Variants in ABCA1 observed in about 807,000 individuals in gnomAD.
ABCA1 encodes ATP binding cassette subfamily A member 1.
ABCA1 carries 133 observed loss-of-function variants against 262.5 expected under a neutral mutation model. The ratio of observed to expected loss-of-function variants is 0.51; its 90% CI spans 0.44 to 0.59. ABCA1 has a LOEUF of 0.59. ABCA1 is among the 20% of genes least tolerant of loss of function. The pLI, the probability that ABCA1 is intolerant of heterozygous loss-of-function variation, is 0.00. For missense variants in ABCA1, 2,452 were observed against 2,777.5 expected (o/e 0.88, Z 2.63); for synonymous variants, 1,022 against 1,043.5 (o/e 0.98, Z 0.40).
intron 37 of ABCA1, among the ~76,000 whole-genome samples, chr9:104,797,165 G>A (rs762268016): frequency 2.6e-5 from 4 of 152,142 alleles, no homozygotes; most frequent in Non-Finnish European, 5.9e-5. Flanking sequence ...TACCCAGGAA[G>A]ACAAGAGATG....
chr9:104,831,774 G>C lies in ABCA1; in HGVS notation c.1563C>G (p.Asn521Lys). The C allele has an allele frequency of 6.2e-7, 1 of 1,614,188 alleles. No homozygotes were observed. Among genetic ancestry groups the C allele is most frequent in the Non-Finnish European group, 8.5e-7 (1 of 1,180,044 alleles). ...EPIATEVWLI[N>K]KSMELLDERK... ...TCTCATCCAGCAGCTCCATGGACTTGTTGATGAGCCAGACTTCTGTTGCTA... is the reference window on the plus strand; with the variant it reads ...TCTCATCCAGCAGCTCCATGGACTTCTTGATGAGCCAGACTTCTGTTGCTA... The change falls in exon 13 of 50, where the codon AAC becomes AAG. Residue 521 changes from asparagine to lysine, a missense_variant. By Grantham distance (94) the Asn-to-Lys change is moderately conservative (BLOSUM62 0). Transcript: ENST00000374736.
chr9:104,862,651 G>GCCCCCCACC (rs1564198183), intron 5 of ABCA1, among the ~76,000 whole-genome samples: 6 of 6,720 alleles, frequency 8.9e-4, no homozygotes, highest in East Asian at 5.1e-3. Flanking sequence ...GGCCGGGCCG[G>GCCCCCCACC]GCCGGGCCGG....
Position 104,818,734 on chromosome 9 carries a change from C to G in ABCA1, c.3391G>C (p.Val1131Leu). 6.2e-7 allele frequency: 1 copy of G among 1,613,822 alleles called. No homozygotes were observed. Among genetic ancestry groups the G allele is most frequent in the Non-Finnish European group, 8.5e-7 (1 of 1,180,028 alleles). The change falls in exon 23 of 50, where the codon GTC (valine) becomes CTC (leucine). Residue 1131 changes from valine to leucine, a missense_variant. Physicochemically the swap from Val to Leu is conservative, Grantham distance 32. Transcript: ENST00000374736. ...QLGTGYYLTL[V>L]KKDVESSLSS... ...AGGGAGGATTCCACATCTTTCTTGA[C>G]CAAGGTCAGGTAGTAGCCTGTTCCC...
chr9:104,845,634 A>G, intron 7 of ABCA1, 65 bp from the exon 8 acceptor site: 3 of 1,146,818 alleles, frequency 2.6e-6, no homozygotes, highest in Non-Finnish European at 3.9e-6. Flanking sequence ...TATTGGAAAT[A>G]AACAAGTGAA....
chr9:104,819,816 T>C, intron 21 of ABCA1, 93 bp from the exon 22 acceptor site: 3 of 1,611,100 alleles, frequency 1.9e-6, no homozygotes, highest in Non-Finnish European at 2.5e-6. Context: ...GACAAGTTTC[T>C]GTTACCAACC....
intron 5 of ABCA1, among the ~76,000 whole-genome samples, chr9:104,874,611 C>T (rs1227113273): frequency 6.6e-6 from 1 of 152,082 alleles, no homozygotes; most frequent in Non-Finnish European, 1.5e-5. Context: ...AAAAACAGAG[C>T]CGGGCGCAGT....
intron 7 of ABCA1, among the ~76,000 whole-genome samples, chr9:104,846,309 A>G (rs1834875642): frequency 6.6e-6 from 1 of 152,248 alleles, no homozygotes; most frequent in Non-Finnish European, 1.5e-5. Context: ...TCAGGCTTCC[A>G]AAGAGAAAAA....
chr9:104,819,974 A>C lies in ABCA1; in HGVS notation c.3056T>G (p.Val1019Gly). Residue 1019 changes from valine (V) to glycine (G), a missense_variant, in exon 21 of 50, where the codon GTT becomes GGT. By Grantham distance (109) the Val-to-Gly change is moderately radical. Around this residue, in one of 4 missense-constraint regions of ABCA1, gnomAD observed 665 missense variants for 727.3 expected, o/e 0.91. Coordinates refer to ENST00000374736, the MANE Select transcript of ABCA1 (RefSeq NM_005502.4). ...KAEMEQMALD[V>G]GLPSSKLKSK... ...TTTCAGCTTGCTTGATGGCAAACCAACATCCAGGGCCATCTGCTCCATCTC... is the reference window on the plus strand; with the variant it reads ...TTTCAGCTTGCTTGATGGCAAACCACCATCCAGGGCCATCTGCTCCATCTC... 1.2e-6 allele frequency: 2 copies of C among 1,614,018 alleles called. No homozygotes were observed. Among genetic ancestry groups the C allele is most frequent in the Non-Finnish European group, 1.7e-6 (2 of 1,180,008 alleles).
chr9:104,799,826 C>T lies in ABCA1; in HGVS notation c.4936G>A (p.Val1646Met), dbSNP rs2118890064. 6.2e-7 allele frequency: 1 copy of T among 1,614,192 alleles called. No homozygotes were observed. The highest frequency in any genetic ancestry group is 2.2e-5 in the East Asian group (1 of 44,886). ...LNLTKQQLSE[V>M]ALMTTSVDVL... ...AGACACAGCCACACTTACAGAGCCA[C>T]CTCTGAGAGCTGCTGCTTGGTGAGA... is the stretch of plus-strand genomic sequence containing the variant. Residue 1646 changes from valine to methionine, a missense_variant, in exon 36 of 50, where the codon GTG becomes ATG. Transcript: ENST00000374736.
intron 47 of ABCA1, among the ~76,000 whole-genome samples, chr9:104,786,656 T>C (rs564221128): frequency 1.6e-4 from 24 of 152,342 alleles, no homozygotes; most frequent in South Asian, 1.2e-3. Context: ...GACACCTAAA[T>C]GCACTGACTT....
chr9:104,788,381 C>T, intron 45 of ABCA1, 45 bp downstream of exon 45: 1 of 1,613,804 alleles, frequency 6.2e-7, no homozygotes, highest in Non-Finnish European at 8.5e-7. Flanking sequence ...TATATATTGT[C>T]AGGATGCCAA....
intron 1 of ABCA1, among the ~76,000 whole-genome samples, chr9:104,922,005 A>G (rs2487049): frequency 0.17 from 26,504 of 152,218 alleles, 2,422 homozygotes; most frequent in Admixed American, 0.22. Flanking sequence ...TGAGGAGGGA[A>G]GCATTTAAAT....
chr9:104,798,392 A>C, intron 37 of ABCA1, 29 bp downstream of exon 37: 1 of 1,612,876 alleles, frequency 6.2e-7, no homozygotes. Flanking sequence ...GACAGACATC[A>C]GAAAGATACA....
chr9:104,866,125 G>A (rs1013721831), intron 5 of ABCA1, among the ~76,000 whole-genome samples: 1 of 152,088 alleles, frequency 6.6e-6, no homozygotes, highest in Non-Finnish European at 1.5e-5. Flanking sequence ...ACAACGACCA[G>A]GACATTTTGT....
rs1298135994 is a variant in ABCA1, at chr9:104,822,549, C to G, written c.2775G>C (p.Glu925Asp). 6.2e-7 allele frequency: 1 copy of G among 1,614,048 alleles called. No individual in the cohort carries two copies. Among genetic ancestry groups the G allele is most frequent in the Non-Finnish European group, 8.5e-7 (1 of 1,180,002 alleles). The change falls in exon 19 of 50, where the codon GAG becomes GAC. Residue 925 changes from glutamate (E) to aspartate (D), a missense_variant. This residue lies in a region of ABCA1 where 665 missense variants were observed against 727.3 expected (regional missense o/e 0.91). Transcript: ENST00000374736. ...AVDGLALNFY[E>D]GQITSFLGHN... is the part of the protein sequence containing the mutation. The stretch of plus-strand genomic sequence containing the variant: ...GGCCCAGGAAGGAGGTGATCTGGCC[C>G]TCATAAAAATTCAGTGCCAGGCCAT...
intron 2 of ABCA1, among the ~76,000 whole-genome samples, chr9:104,892,426 G>C (rs2118354074): frequency 6.8e-6 from 1 of 146,438 alleles, no homozygotes; most frequent in East Asian, 2.0e-4. Context: ...GGGGGTGGGG[G>C]TGGGGAAGAA....
chr9:104,850,920 G>A (rs374224555), intron 7 of ABCA1, among the ~76,000 whole-genome samples: 2 of 152,182 alleles, frequency 1.3e-5, no homozygotes, highest in South Asian at 4.1e-4. Flanking sequence ...AAAACCTTTA[G>A]TGAGGGACTA....
chr9:104,915,091 T>C (rs1841765645), intron 1 of ABCA1, among the ~76,000 whole-genome samples: 1 of 152,196 alleles, frequency 6.6e-6, no homozygotes, highest in Non-Finnish European at 1.5e-5. Flanking sequence ...AGGGAGCCTA[T>C]AAACACCTGG....
intron 1 of ABCA1, among the ~76,000 whole-genome samples, chr9:104,911,484 C>T (rs1275139944): frequency 3.3e-5 from 5 of 152,128 alleles, no homozygotes; most frequent in African/African-American, 7.2e-5. Context: ...ACAGACAGAT[C>T]GTGGCTGCTG....
Sources: gnomAD v4.1 joint callset for allele counts (sites outside exome capture counted in the v4.1 genomes callset) on GRCh38, gnomAD v4.1.1 for gene constraint, gnomAD v4.1.1 regional missense constraint, MANE v1.5 for transcripts, NCBI Gene and HGNC (gene_info 2026-07-23, HGNC 2026-07-21) for gene names.